Variants in SV2B observed in about 807,000 individuals in gnomAD.
SV2B encodes synaptic vesicle glycoprotein 2B, also known as solute carrier family 22 member B2.
Under a neutral mutation model 73.9 loss-of-function variants are expected in SV2B, and 41 were observed. That is an observed-to-expected ratio of 0.56 (90% CI 0.43 to 0.72). SV2B has a LOEUF of 0.72. Ranked by LOEUF, SV2B falls within the 30% of genes least tolerant of loss-of-function variation. SV2B has a pLI of 0.00. For synonymous variants in SV2B, 314 were observed against 314.2 expected, an observed-to-expected ratio of 1.00 and a Z score of 0.01; for missense variants, 764 against 857.8, an observed-to-expected ratio of 0.89 and a Z score of 1.37.
In SV2B at chr15:91,137,935, G is replaced by C. The variant is rs2042892179; in HGVS notation, c.-392+37572G>C. Reference sequence around the variant, plus strand: ...CAGGACAACCAAATGATAGATGAGGGGAATTTGCTCTTTATAGAAGTATTC... The same window carrying C: ...CAGGACAACCAAATGATAGATGAGGCGAATTTGCTCTTTATAGAAGTATTC... On this transcript the variant is annotated intron_variant, in intron 1 of 12. Transcript: ENST00000394232. This position sits in a 1 kb window ranked among gnomAD's most constrained non-coding sequence, Gnocchi z 4.9. 6.6e-6 allele frequency among the ~76,000 whole-genome samples: 1 copy of C among 151,978 alleles called. No individual in the cohort carries two copies. Among genetic ancestry groups the C allele is most frequent in the Non-Finnish European group, 1.5e-5 (1 of 67,994 alleles).
Position 91,284,563 on chromosome 15 carries a change from T to C in SV2B, c.1708+342T>C, listed in dbSNP as rs2048796242. ...ATTATTGTCAGAAAAATATATAAAA[T>C]GCTCCTGGGTGATGGTTTGATGTTT... On this transcript the variant is annotated intron_variant, in intron 11 of 12. Coordinates refer to ENST00000394232, the MANE Select transcript of SV2B (RefSeq NM_001323032.3). This position sits in a 1 kb window ranked among gnomAD's most constrained non-coding sequence, Gnocchi z 4.5. 2.0e-5 allele frequency among the ~76,000 whole-genome samples: 3 copies of C among 152,342 alleles called. No homozygotes were observed. The South Asian group carries it at 6.2e-4, about 32-fold the overall frequency.
At chr15:91,282,679 A>G (rs1284073915) in intron 10 of SV2B, among the ~76,000 whole-genome samples, 1 of 152,196 alleles carries the variant, frequency 6.6e-6, no homozygotes, top group Non-Finnish European at 1.5e-5. Flanking sequence ...GAAGCCTGCA[A>G]TCTTTCCACA....
Position 91,229,838 on chromosome 15 carries a change from T to C in SV2B, c.451+3124T>C, listed in dbSNP as rs1418296063. Among the ~76,000 whole-genome samples, 2 of 152,240 alleles carry C rather than the reference T, an allele frequency of 1.3e-5. No individual in the cohort carries two copies. Among genetic ancestry groups the C allele is most frequent in the African/African-American group, 4.8e-5 (2 of 41,468 alleles). On this transcript the variant is annotated intron_variant, in intron 2 of 12. Transcript: ENST00000394232. This position sits in a 1 kb window ranked among gnomAD's most constrained non-coding sequence, Gnocchi z 4.3. ...AATTTCTTTCAGCCAATGTTTTTTA[T>C]GGTAGACTTCTAAGGTCAAGCTATC...
intron 1 of SV2B, among the ~76,000 whole-genome samples, chr15:91,154,611 T>G (rs146582949): frequency 1.5e-3 from 228 of 152,212 alleles, no homozygotes; most frequent in Non-Finnish European, 2.2e-3. Context: ...TTTGAGGTCA[T>G]AGTGGATTAG....
intron 1 of SV2B, among the ~76,000 whole-genome samples, chr15:91,149,797 A>G (rs968031106): frequency 6.6e-6 from 1 of 152,182 alleles, no homozygotes; most frequent in Non-Finnish European, 1.5e-5. Context: ...CTGACAATAA[A>G]ACTGGTACCT....
At chr15:91,180,731 C>T (rs2044518395) in intron 1 of SV2B, among the ~76,000 whole-genome samples, 1 of 152,188 alleles carries the variant, frequency 6.6e-6, no homozygotes, top group African/African-American at 2.4e-5. Flanking sequence ...TGAGCCTTGG[C>T]TTTCAGCTCC....
At position 91,166,584 on chromosome 15, in the gene SV2B, A is replaced by G. The variant is rs1014977499; in HGVS notation, c.-391-59289A>G. Among the ~76,000 whole-genome samples, 10 of 152,040 alleles carry G rather than the reference A, an allele frequency of 6.6e-5. No homozygotes were observed. The South Asian group carries it at 1.7e-3, about 25-fold the overall frequency. Reference sequence around the variant, plus strand: ...CCTCCTCTTTAGAGACCCTGATAGCATGAATTTTAGAACTTTTGATATAGT... The same window carrying G: ...CCTCCTCTTTAGAGACCCTGATAGCGTGAATTTTAGAACTTTTGATATAGT... On this transcript the variant is annotated intron_variant, in intron 1 of 12. Coordinates refer to ENST00000394232, the MANE Select transcript of SV2B (RefSeq NM_001323032.3).
intron 6 of SV2B, 110 bp from the exon 7 acceptor site, chr15:91,266,472 G>T: frequency 2.6e-6 from 2 of 771,898 alleles, no homozygotes; most frequent in Non-Finnish European, 4.1e-6. Context: ...TTGAGAAATC[G>T]CAGACTCCTC....
chr15:91,255,403 A>G (rs1033429467), intron 4 of SV2B, among the ~76,000 whole-genome samples: 2 of 152,212 alleles, frequency 1.3e-5, no homozygotes, highest in African/African-American at 4.8e-5. Flanking sequence ...TCTCACTCAT[A>G]AGTAGGAGCT....
At chr15:91,103,973 T>C (rs569336777) in intron 1 of SV2B, among the ~76,000 whole-genome samples, 1 of 152,320 alleles carries the variant, frequency 6.6e-6, no homozygotes, top group Admixed American at 6.5e-5. Flanking sequence ...TGGTGGGTCT[T>C]CTTCCTGCAG....
rs200016125 is a variant in SV2B, at chr15:91,125,781, CA to C, written c.-392+25437del. 5.8e-3 allele frequency among the ~76,000 whole-genome samples: 332 copies of C among 57,094 alleles called. 7 individuals are homozygous for C. Among genetic ancestry groups the C allele is most frequent in the East Asian group, 0.016 (33 of 2,080 alleles). 37.5% of individuals were successfully genotyped at this position (57,094 alleles called of 152,430 possible). On this transcript the variant is annotated intron_variant, in intron 1 of 12. Coordinates refer to ENST00000394232, the MANE Select transcript of SV2B (RefSeq NM_001323032.3). The stretch of plus-strand genomic sequence containing the variant: ...CAAAGTGAGACCCTGTCTCAAGGGG[CA>C]AAAAAAAAAAAAAAAAAATTCAGTC...
intron 2 of SV2B, among the ~76,000 whole-genome samples, chr15:91,233,384 G>A (rs1468654396): frequency 6.6e-6 from 1 of 152,180 alleles, no homozygotes; most frequent in Non-Finnish European, 1.5e-5. Context: ...TGAGCCCAAG[G>A]ATTCAAATTC....
intron 1 of SV2B, among the ~76,000 whole-genome samples, chr15:91,178,390 G>A (rs1262767190): frequency 6.7e-6 from 1 of 150,184 alleles, no homozygotes; most frequent in Non-Finnish European, 1.5e-5. Context: ...TTCGTATCAG[G>A]AGGATGCTGG....
rs1281645718 is a variant in SV2B, at chr15:91,300,261, T to C, written c.*7709T>C. ...GAATATCTGACTATTTTTTTTTGTG[T>C]GTGAGATTTGGTCTCAGCTTTTTGG... On this transcript the variant is annotated 3_prime_UTR_variant, in exon 13 of 13. Coordinates refer to ENST00000394232, the MANE Select transcript of SV2B (RefSeq NM_001323032.3). 2 of 152,176 alleles carry C rather than the reference T, an allele frequency of 1.3e-5. No individual in the cohort carries two copies. Among genetic ancestry groups the C allele is most frequent in the East Asian group, 1.9e-4 (1 of 5,188 alleles). 9.4% of individuals were successfully genotyped at this position (152,176 alleles called of 1,614,324 possible). A position where few individuals can be genotyped will look rare whatever the true frequency, so the allele number is the denominator to read the frequency against.
intron 1 of SV2B, among the ~76,000 whole-genome samples, chr15:91,157,291 G>T (rs2043524129): frequency 6.6e-6 from 1 of 152,180 alleles, no homozygotes; most frequent in African/African-American, 2.4e-5. Context: ...GAGGCTCCAA[G>T]AAAAAGGTGT....
In SV2B at chr15:91,239,093, G is replaced by T. The variant is rs2046903469; in HGVS notation, c.451+12379G>T. On this transcript the variant is annotated intron_variant, in intron 2 of 12. Coordinates refer to ENST00000394232, the MANE Select transcript of SV2B (RefSeq NM_001323032.3). The surrounding 1 kb of genome is among the most constrained non-coding windows in gnomAD (Gnocchi z 5.1). ...AATATTAGCAGGGATGGAAGAAAGG[G>T]GGTGTGATAGAAGGTCCTGGAAATG... 6.6e-6 allele frequency among the ~76,000 whole-genome samples: 1 copy of T among 152,180 alleles called. No homozygotes were observed. Among genetic ancestry groups the T allele is most frequent in the South Asian group, 2.1e-4 (1 of 4,828 alleles).
Position 91,258,321 on chromosome 15 carries a change from T to A in SV2B, c.785-100T>A. ...TTTTAACCACCTCCCCGGGTGACTC[T>A]CTTGTGCCCTGAAGTTTGTGAGCCA... is the stretch of plus-strand genomic sequence containing the variant. On this transcript the variant is annotated intron_variant, in intron 4 of 12. Transcript: ENST00000394232. This position sits in a 1 kb window ranked among gnomAD's most constrained non-coding sequence, Gnocchi z 4.7. The A allele has an allele frequency of 6.5e-7, 1 of 1,529,014 alleles. No homozygotes were observed. The highest frequency in any genetic ancestry group is 8.8e-7 in the Non-Finnish European group (1 of 1,135,292). The allele number at this position is 1,529,014 out of a possible 1,614,324, so 94.7% of individuals were successfully genotyped here.
At position 91,298,383 on chromosome 15, in the gene SV2B, G is replaced by A. The variant is rs780174905; in HGVS notation, c.*5831G>A. ...AATCACATAGAGCCTTTGATTGTGA[G>A]GCAGGCTTAAAGTACATTTTGTTTG... On this transcript the variant is annotated 3_prime_UTR_variant, in exon 13 of 13. Transcript: ENST00000394232. The surrounding 1 kb of genome is among the most constrained non-coding windows in gnomAD (Gnocchi z 5.4). 3 of 152,176 alleles carry A rather than the reference G, an allele frequency of 2.0e-5. No homozygotes were observed. The highest frequency in any genetic ancestry group is 4.4e-5 in the Non-Finnish European group (3 of 68,036). The allele number at this position is 152,176 out of a possible 1,614,324, so 9.4% of individuals were successfully genotyped here.
chr15:91,179,198 T>A (rs1281622948), intron 1 of SV2B, among the ~76,000 whole-genome samples: 2 of 152,040 alleles, frequency 1.3e-5, no homozygotes, highest in African/African-American at 4.8e-5. Flanking sequence ...TGTAGTTGAG[T>A]GGTTTTGAGT....
Sources: gnomAD v4.1 joint callset for allele counts (sites outside exome capture counted in the v4.1 genomes callset) on GRCh38, gnomAD v4.1.1 for gene constraint, Gnocchi (gnomAD v3.1) non-coding constraint, MANE v1.5 for transcripts, NCBI Gene and HGNC (gene_info 2026-07-23, HGNC 2026-07-21) for gene names.